The following SPTA1 variants were observed in gnomAD, a reference collection of about 807,000 sequenced individuals.
SPTA1 encodes the protein spectrin alpha chain, erythrocytic 1.
A neutral mutation model predicts 324.7 loss-of-function variants in SPTA1; 177 were observed. The ratio of observed to expected loss-of-function variants is 0.55; its 90% CI spans 0.48 to 0.62. The LOEUF (loss-of-function observed/expected upper bound fraction) is 0.62, where lower values mean the gene tolerates loss of function less well. Ranked by LOEUF, SPTA1 falls within the 20% of genes least tolerant of loss-of-function variation. The probability of loss-of-function intolerance (pLI) is 0.00; values close to 1 mark genes in which losing one functional copy is unlikely to be tolerated. For missense variants in SPTA1, 3,162 were observed against 2,883.6 expected (o/e 1.10, Z -2.21); for synonymous variants, 1,195 against 1,041.3 (o/e 1.15, Z -2.84).
intron 10 of SPTA1, 86 bp from the exon 11 acceptor site, chr1:158,672,282 A>G (rs1018529400): frequency 1.4e-6 from 2 of 1,411,568 alleles, no homozygotes; most frequent in Non-Finnish European, 1.9e-6. Context: ...ATGCAAAGCC[A>G]TTTAAGGATA....
rs74760780 is a variant in SPTA1 at position 158,637,454 on chromosome 1, C to T, written c.5189+579G>A. ...AATAGTGTAATGTGCTAAGATTTTC[C>T]AAATCATATTTTACAACAAAAATGG... On this transcript the variant is annotated intron_variant, in intron 36 of 51. Transcript: ENST00000643759. 6.3e-3 allele frequency among the ~76,000 whole-genome samples: 963 copies of T among 152,204 alleles called. 8 individuals carry two copies. Among genetic ancestry groups the T allele is most frequent in the African/African-American group, 0.021 (891 of 41,514 alleles).
chr1:158,657,143 C>G (rs1033177387), intron 19 of SPTA1, among the ~76,000 whole-genome samples: 1 of 152,164 alleles, frequency 6.6e-6, no homozygotes, highest in African/African-American at 2.4e-5. Context: ...TAAGGTGTCT[C>G]TATCTTAAAA....
In SPTA1 at chr1:158,626,734, A is replaced by ATGGGTAGTGATGGAG. The variant is rs1557930368; in HGVS notation, c.5833+104_5833+105insCTCCATCACTACCCA. 66 of 1,453,954 alleles carry ATGGGTAGTGATGGAG rather than the reference A, an allele frequency of 4.5e-5. No homozygotes were observed. The East Asian group carries it at 6.6e-4, about 15-fold the overall frequency. The allele number at this position is 1,453,954 out of a possible 1,614,324, so 90.1% of individuals were successfully genotyped here. A position where few individuals can be genotyped will look rare whatever the true frequency, so the allele number is the denominator to read the frequency against. On this transcript the variant is annotated intron_variant, in intron 41 of 51. Coordinates refer to ENST00000643759, the MANE Select transcript of SPTA1 (RefSeq NM_003126.4). ...AAGGATAGGAATGGGTAGTGATGGAAACACCTCCTTTCATACAGTAAAAGT... is the reference window on the plus strand; with the variant it reads ...AAGGATAGGAATGGGTAGTGATGGAATGGGTAGTGATGGAGACACCTCCTTTCATACAGTAAAAGT...
At chr1:158,683,632 C>T in intron 2 of SPTA1, 136 bp from the exon 3 acceptor site, 1 of 1,152,554 alleles carries the variant, frequency 8.7e-7, no homozygotes, top group Non-Finnish European at 1.3e-6. Flanking sequence ...TTTCCTGTCC[C>T]CACTGGCTTT....
At chr1:158,667,559 A>T (rs1241471121) in intron 15 of SPTA1, among the ~76,000 whole-genome samples, 1 of 152,204 alleles carries the variant, frequency 6.6e-6, no homozygotes, top group African/African-American at 2.4e-5. Flanking sequence ...GGAAAGAAAA[A>T]CAACAAAGTA....
chr1:158,669,649 C>A (rs369738137), intron 13 of SPTA1, 60 bp downstream of exon 13: 1,854 of 1,613,994 alleles, frequency 1.1e-3, no homozygotes, highest in Non-Finnish European at 1.5e-3. Context: ...ACCATGCCCA[C>A]CAAAACTCTT....
At chr1:158,613,903 C>A (rs749566000) in intron 49 of SPTA1, 36 bp from the exon 50 acceptor site, 4 of 1,602,772 alleles carry the variant, frequency 2.5e-6, no homozygotes, top group South Asian at 1.1e-5. Context: ...ATTTATCAAG[C>A]TCAATAGAAA....
intron 33 of SPTA1, among the ~76,000 whole-genome samples, chr1:158,641,294 C>A (rs893092721): frequency 6.6e-6 from 1 of 151,944 alleles, no homozygotes; most frequent in Non-Finnish European, 1.5e-5. Context: ...GCAACAAAAG[C>A]CAAAATTGAC....
chr1:158,684,004 G>A (rs1571538437), intron 2 of SPTA1, among the ~76,000 whole-genome samples: 1 of 151,226 alleles, frequency 6.6e-6, no homozygotes, highest in South Asian at 2.1e-4. Context: ...TATAATTTTA[G>A]GTGAATAGAA....
At chr1:158,618,120 ATTACT>A (rs1571375671) in intron 45 of SPTA1, 64 bp from the exon 46 acceptor site, 1 of 1,471,800 alleles carries the variant, frequency 6.8e-7, no homozygotes, top group Non-Finnish European at 9.5e-7. Context: ...GTTAAAATGG[ATTACT>A]TTAAAGATCT....
At position 158,639,616 on chromosome 1, in the gene SPTA1, T is replaced by C; in HGVS notation, c.4946A>G (p.His1649Arg). Residue 1649 changes from histidine to arginine, a missense_variant, in exon 35 of 52, where the codon CAT becomes CGT. Transcript: ENST00000643759. ...LASAGNLLKK[H>R]QLLEREMLAR... ...CAACATCTCTCTCTCCAATAGCTGA[T>C]GCTTCTTGAGTAGGTTTCCTGCTGA... 6.2e-7 allele frequency: 1 copy of C among 1,613,966 alleles called. No individual in the cohort carries two copies. The highest frequency in any genetic ancestry group is 8.5e-7 in the Non-Finnish European group (1 of 1,179,908).
Position 158,627,728 on chromosome 1 carries a change from A to G in SPTA1, c.5566-5T>C. The stretch of plus-strand genomic sequence containing the variant: ...TTCATGCTTCATTAGCAAGCTCTGC[A>G]TAAATAAGTCGGTGAGAATTAAGAT... On this transcript the variant is annotated splice_region_variant and splice_polypyrimidine_tract_variant and intron_variant, in intron 39 of 51. Coordinates refer to ENST00000643759, the MANE Select transcript of SPTA1 (RefSeq NM_003126.4). 6.2e-7 allele frequency: 1 copy of G among 1,611,108 alleles called. No homozygotes were observed. Among genetic ancestry groups the G allele is most frequent in the Non-Finnish European group, 8.5e-7 (1 of 1,179,346 alleles).
chr1:158,648,592 G>T lies in SPTA1; in HGVS notation c.3631C>A (p.Pro1211Thr). 1.2e-6 allele frequency: 2 copies of T among 1,613,896 alleles called. No individual in the cohort carries two copies. Among genetic ancestry groups the T allele is most frequent in the Non-Finnish European group, 8.5e-7 (1 of 1,179,950 alleles). ...TGAACACTGAACAGATCTGAGCCAG[G>T]GTCTGCAGCACTGAGGGCCTGGCAT... ...KKCQALSAAD[P>T]GSDLFSVQAL... Residue 1211 changes from proline (P) to threonine (T), a missense_variant, in exon 26 of 52, where the codon CCT becomes ACT. By Grantham distance (38) the Pro-to-Thr change is conservative. Transcript: ENST00000643759.
At chr1:158,632,825 G>C (rs1650778530) in intron 39 of SPTA1, among the ~76,000 whole-genome samples, 1 of 149,706 alleles carries the variant, frequency 6.7e-6, no homozygotes, top group African/African-American at 2.5e-5. Context: ...TTGGGGTCCT[G>C]TACATTTATC....
intron 20 of SPTA1, among the ~76,000 whole-genome samples, 169 bp from the exon 21 acceptor site, chr1:158,654,917 A>G (rs572399243): frequency 2.6e-5 from 4 of 152,294 alleles, no homozygotes; most frequent in Admixed American, 2.6e-4. Context: ...AGACTGCTCC[A>G]TTCTGACACT....
chr1:158,654,611 C>T lies in SPTA1; in HGVS notation c.3036G>A (p.Lys1012=). 1 of 1,613,558 alleles carries T rather than the reference C, an allele frequency of 6.2e-7. No homozygotes were observed. The highest frequency in any genetic ancestry group is 1.3e-5 in the African/African-American group (1 of 74,806). Residue 1012 remains lysine (K), a splice_region_variant and synonymous_variant, in exon 21 of 52, where the codon AAG becomes AAA. Coordinates refer to ENST00000643759, the MANE Select transcript of SPTA1 (RefSeq NM_003126.4). ...TGGAAAGATTAGAAGGAAAAGTCAC[C>T]TTATTGATGGAACTGAGCAGCGTTA... ...DVLTLLSSIN[K]DWWKVEAADH...
At chr1:158,649,810 G>A in intron 25 of SPTA1, 46 bp downstream of exon 25, 1 of 1,449,530 alleles carries the variant, frequency 6.9e-7, no homozygotes, top group East Asian at 2.3e-5. Context: ...GAAGTTTAGT[G>A]AGTGGGTTTT....
intron 19 of SPTA1, 25 bp from the exon 20 acceptor site, chr1:158,656,681 C>G: frequency 6.3e-7 from 1 of 1,585,142 alleles, no homozygotes; most frequent in Non-Finnish European, 8.7e-7. Flanking sequence ...GGAAGATCAT[C>G]AGAATGAATA....
chr1:158,663,952 A>C (rs1404296338), intron 16 of SPTA1, among the ~76,000 whole-genome samples: 1 of 152,224 alleles, frequency 6.6e-6, no homozygotes, highest in South Asian at 2.1e-4. Flanking sequence ...TCAATCTATA[A>C]AGGATTTTAT....
Sources: gnomAD v4.1 joint callset for allele counts (sites outside exome capture counted in the v4.1 genomes callset) on GRCh38, gnomAD v4.1.1 for gene constraint, MANE v1.5 for transcripts, NCBI Gene and HGNC (gene_info 2026-07-23, HGNC 2026-07-21) for gene names.